TEX264: variants seen among roughly 807,000 people sequenced by gnomAD.
TEX264 encodes the protein testis expressed 264, ER-phagy receptor.
TEX264 carries 13 observed loss-of-function variants against 23.4 expected under a neutral mutation model. That is an observed-to-expected ratio of 0.56 (90% CI 0.36 to 0.88). TEX264 has a LOEUF of 0.88. Among genes scored for constraint, TEX264 ranks in the 40% least tolerant of loss-of-function variants. TEX264 has a pLI of 0.01. For missense variants in TEX264, 340 were observed against 406.8 expected (o/e 0.84, Z 1.41); for synonymous variants, 159 against 170.0 (o/e 0.94, Z 0.50).
intron 3 of TEX264, among the ~76,000 whole-genome samples, chr3:51,698,656 A>G (rs895635513): frequency 6.6e-6 from 1 of 152,116 alleles, no homozygotes; most frequent in Non-Finnish European, 1.5e-5. Context: ...ACATCAGCCC[A>G]CTGGGTAATG....
chr3:51,690,634 C>T (rs1273372847), intron 3 of TEX264, among the ~76,000 whole-genome samples: 1 of 152,114 alleles, frequency 6.6e-6, no homozygotes, highest in African/African-American at 2.4e-5. Flanking sequence ...CTCTTCCTGC[C>T]TGTCACCTTT....
intron 3 of TEX264, among the ~76,000 whole-genome samples, chr3:51,688,525 CT>C (rs1702706552): frequency 6.6e-6 from 1 of 152,204 alleles, no homozygotes. Flanking sequence ...CGTCCAGAAT[CT>C]TTTTCAAAAG....
chr3:51,674,594 G>T (rs1702170316), intron 2 of TEX264, 32 bp downstream of exon 2: 14 of 1,606,726 alleles, frequency 8.7e-6, no homozygotes, highest in Non-Finnish European at 1.1e-5. Context: ...CTGCCCCATG[G>T]ATGGGCCTGG....
intron 3 of TEX264, among the ~76,000 whole-genome samples, chr3:51,685,943 C>T (rs1048194449): frequency 1.3e-5 from 2 of 152,192 alleles, no homozygotes; most frequent in Admixed American, 6.5e-5. Flanking sequence ...GAGGGAGTCA[C>T]AGAGGGCTCT....
rs555621466 is a variant in TEX264, at chr3:51,692,583, G to A, written c.481-6823G>A. 3.9e-5 allele frequency among the ~76,000 whole-genome samples: 6 copies of A among 152,286 alleles called. No individual in the cohort carries two copies. The East Asian group carries it at 1.2e-3, about 29-fold the overall frequency. On this transcript the variant is annotated intron_variant, in intron 3 of 4. Coordinates refer to ENST00000341333, the MANE Select transcript of TEX264 (RefSeq NM_015926.6). ...AATTCCTGACTCCTCTGGCTCTCAG[G>A]TGCTTGGCTTCCCAGCTCCATCTGT...
In TEX264 at chr3:51,703,412, G is replaced by T. The variant is rs1374984876; in HGVS notation, c.650-312G>T. ...GCTGAGTGGCCCTTAATAAATGTGG[G>T]GGGAGGGCAGCAGGCTTTGTGGAAG... On this transcript the variant is annotated intron_variant, in intron 4 of 4. Coordinates refer to ENST00000341333, the MANE Select transcript of TEX264 (RefSeq NM_015926.6). This position sits in a 1 kb window ranked among gnomAD's most constrained non-coding sequence, Gnocchi z 4.8. Among the ~76,000 whole-genome samples the T allele has an allele frequency of 6.6e-6, 1 of 152,162 alleles. No homozygotes were observed. The highest frequency in any genetic ancestry group is 1.5e-5 in the Non-Finnish European group (1 of 68,024).
chr3:51,700,838 G>T (rs567699823), intron 4 of TEX264, among the ~76,000 whole-genome samples: 2 of 152,128 alleles, frequency 1.3e-5, no homozygotes, highest in African/African-American at 4.8e-5. Context: ...ACTCCCTGGT[G>T]TTGGGGCCAA....
Position 51,671,272 on chromosome 3 carries a change from A to C in TEX264, c.-51A>C, listed in dbSNP as rs553229247. 1.3e-5 allele frequency: 2 copies of C among 152,196 alleles called. No homozygotes were observed. The highest frequency in any genetic ancestry group is 4.1e-4 in the South Asian group (2 of 4,828). 9.4% of individuals were successfully genotyped at this position (152,196 alleles called of 1,614,324 possible). ...GCCGCCTGCGCGGATCGGCGTCCGC[A>C]GCGGGCGGCTGCTGAGGTGAGGGCC... On this transcript the variant is annotated 5_prime_UTR_variant, in exon 1 of 5. Coordinates refer to ENST00000341333, the MANE Select transcript of TEX264 (RefSeq NM_015926.6).
intron 2 of TEX264, 126 bp downstream of exon 2, chr3:51,674,688 C>G (rs1577490126): frequency 5.3e-6 from 6 of 1,136,750 alleles, no homozygotes; most frequent in East Asian, 2.5e-5. Context: ...GCAGACCCCT[C>G]CTCTATGAGC....
intron 4 of TEX264, among the ~76,000 whole-genome samples, chr3:51,702,820 G>A (rs1158991139): frequency 6.6e-6 from 1 of 152,216 alleles, no homozygotes; most frequent in Non-Finnish European, 1.5e-5. Flanking sequence ...TCCTGGACAG[G>A]GCAGATGAAG....
intron 2 of TEX264, 164 bp from the exon 3 acceptor site, chr3:51,684,249 G>T: frequency 3.2e-6 from 2 of 628,622 alleles, no homozygotes; most frequent in East Asian, 2.7e-5. Flanking sequence ...GCCATAGGTG[G>T]GTTCCAGTAA....
chr3:51,678,627 C>T (rs1205780003), intron 2 of TEX264, among the ~76,000 whole-genome samples: 3 of 152,182 alleles, frequency 2.0e-5, no homozygotes, highest in African/African-American at 4.8e-5. Flanking sequence ...CTTTAGTAAA[C>T]AAGACTGCCA....
intron 3 of TEX264, among the ~76,000 whole-genome samples, chr3:51,692,296 G>C (rs1286227172): frequency 6.6e-6 from 1 of 152,166 alleles, no homozygotes; most frequent in Non-Finnish European, 1.5e-5. Context: ...TTAGGGAGGG[G>C]AAAGAGATTC....
chr3:51,687,089 G>A (rs1271818890), intron 3 of TEX264, among the ~76,000 whole-genome samples: 1 of 152,230 alleles, frequency 6.6e-6, no homozygotes, highest in Non-Finnish European at 1.5e-5. Flanking sequence ...TGGAGTGGGG[G>A]TTGAGACAAG....
chr3:51,704,091 T>C lies in TEX264; in HGVS notation c.*75T>C. The C allele has an allele frequency of 7.9e-7, 1 of 1,259,080 alleles. No individual in the cohort carries two copies. The highest frequency in any genetic ancestry group is 2.8e-5 in the South Asian group (1 of 35,572). The allele number at this position is 1,259,080 out of a possible 1,614,324, so 78.0% of individuals were successfully genotyped here. A position where few individuals can be genotyped will look rare whatever the true frequency, so the allele number is the denominator to read the frequency against. On this transcript the variant is annotated 3_prime_UTR_variant, in exon 5 of 5. Coordinates refer to ENST00000341333, the MANE Select transcript of TEX264 (RefSeq NM_015926.6). ...CTCTCCAGCAGACTCTCCAGCCCTC[T>C]TCCTCCTTCCTCTGGGGGAGGAGGG... is the stretch of plus-strand genomic sequence containing the variant.
At chr3:51,684,373 T>G in intron 2 of TEX264, 40 bp from the exon 3 acceptor site, 4 of 1,597,674 alleles carry the variant, frequency 2.5e-6, no homozygotes, top group Non-Finnish European at 3.4e-6. Flanking sequence ...AGGGCCTCCT[T>G]CCTTTGGCCA....
chr3:51,693,106 G>T (rs1239462372), intron 3 of TEX264, among the ~76,000 whole-genome samples: 1 of 152,350 alleles, frequency 6.6e-6, no homozygotes, highest in African/African-American at 2.4e-5. Context: ...ACCCCAGGCT[G>T]CCCTGTGCTT....
At chr3:51,679,738 T>A (rs1272512300) in intron 2 of TEX264, among the ~76,000 whole-genome samples, 5 of 152,292 alleles carry the variant, frequency 3.3e-5, no homozygotes, top group Admixed American at 3.3e-4. Context: ...GGATTCTGTT[T>A]GAAGGTGTAG....
chr3:51,671,445 G>C (rs1702038180), intron 1 of TEX264, 157 bp downstream of exon 1: 1 of 154,006 alleles, frequency 6.5e-6, no homozygotes, highest in Non-Finnish European at 1.5e-5. Context: ...AGCTGGCCTC[G>C]GCCAGGTCCG....
Sources: allele counts gnomAD v4.1 joint callset (sites outside exome capture counted in the v4.1 genomes callset), GRCh38; gene constraint gnomAD v4.1.1; non-coding constraint Gnocchi (gnomAD v3.1); transcripts MANE v1.5; gene names NCBI Gene and HGNC (gene_info 2026-07-23, HGNC 2026-07-21).